NDST4: variants seen among roughly 807,000 people sequenced by gnomAD.
The protein encoded by NDST4 is N-heparan sulfate sulfotransferase 4.
NDST4 carries 63 observed loss-of-function variants against 100.8 expected under a neutral mutation model. The ratio of observed to expected loss-of-function variants is 0.62; its 90% confidence interval spans 0.51 to 0.77. The LOEUF is 0.77. Ranked by LOEUF, NDST4 falls within the 30% of genes least tolerant of loss-of-function variation. The pLI, the probability that NDST4 is intolerant of heterozygous loss-of-function variation, is 0.00. For missense variants in NDST4, 943 were observed against 1,018.4 expected (o/e 0.93, Z 1.01); for synonymous variants, 377 against 361.8 (o/e 1.04, Z -0.48).
chr4:114,879,603 G>C (rs1724324284), intron 6 of NDST4, among the ~76,000 whole-genome samples: 1 of 152,090 alleles, frequency 6.6e-6, no homozygotes, highest in African/African-American at 2.4e-5. Flanking sequence ...TGAATACAGG[G>C]ACTCTGGTGC....
At chr4:115,047,685 T>C (rs995636147) in intron 2 of NDST4, among the ~76,000 whole-genome samples, 1 of 152,102 alleles carries the variant, frequency 6.6e-6, no homozygotes, top group African/African-American at 2.4e-5. Flanking sequence ...GGGTGGTAAG[T>C]TGACATGAAG....
intron 2 of NDST4, among the ~76,000 whole-genome samples, chr4:115,044,478 C>A (rs1728422842): frequency 6.6e-6 from 1 of 151,860 alleles, no homozygotes; most frequent in African/African-American, 2.4e-5. Flanking sequence ...AAAGGCATGG[C>A]AAAGTGAAGA....
At chr4:114,974,946 A>C (rs1451023327) in intron 3 of NDST4, among the ~76,000 whole-genome samples, 1 of 152,192 alleles carries the variant, frequency 6.6e-6, no homozygotes, top group Non-Finnish European at 1.5e-5. Flanking sequence ...AAATCAGATC[A>C]TTCTGGGAGA....
At chr4:114,884,890 A>G (rs887766954) in intron 6 of NDST4, among the ~76,000 whole-genome samples, 5 of 152,162 alleles carry the variant, frequency 3.3e-5, no homozygotes, top group African/African-American at 7.2e-5. Context: ...TAAACCAGGC[A>G]GCTAAACTGA....
intron 4 of NDST4, among the ~76,000 whole-genome samples, chr4:114,962,885 C>T (rs1726295529): frequency 6.6e-6 from 1 of 151,988 alleles, no homozygotes; most frequent in Admixed American, 6.6e-5. Context: ...ACTTCACGCC[C>T]ACTAGAATGA....
chr4:114,843,065 A>G (rs555059875), intron 10 of NDST4, among the ~76,000 whole-genome samples: 1 of 152,300 alleles, frequency 6.6e-6, no homozygotes, highest in Non-Finnish European at 1.5e-5. Flanking sequence ...ATCATATATC[A>G]TATGATATAG....
intron 7 of NDST4, among the ~76,000 whole-genome samples, chr4:114,862,002 A>G (rs1271705903): frequency 6.6e-6 from 1 of 152,160 alleles, no homozygotes; most frequent in African/African-American, 2.4e-5. Context: ...GTATAGTTAT[A>G]GTTAATAGTA....
chr4:114,861,523 C>T (rs908896202), intron 7 of NDST4, among the ~76,000 whole-genome samples: 9 of 152,100 alleles, frequency 5.9e-5, no homozygotes, highest in Non-Finnish European at 1.3e-4. Flanking sequence ...TGCTTTACTA[C>T]AGGTGTTCAT....
chr4:115,066,893 T>C (rs1427265738), intron 2 of NDST4, among the ~76,000 whole-genome samples: 1 of 152,170 alleles, frequency 6.6e-6, no homozygotes, highest in African/African-American at 2.4e-5. Flanking sequence ...ACATTCTCTG[T>C]TGTGTGCCCT....
chr4:115,019,959 T>C (rs1465060752), intron 2 of NDST4, among the ~76,000 whole-genome samples: 1 of 152,108 alleles, frequency 6.6e-6, no homozygotes, highest in Non-Finnish European at 1.5e-5. Flanking sequence ...TCTGTGTTAT[T>C]GTGTTGTAGC....
intron 2 of NDST4, among the ~76,000 whole-genome samples, chr4:115,060,994 A>G (rs1728807049): frequency 6.6e-6 from 1 of 152,106 alleles, no homozygotes; most frequent in Non-Finnish European, 1.5e-5. Flanking sequence ...AAACCTCAAC[A>G]AAAAGTGGGT....
intron 2 of NDST4, among the ~76,000 whole-genome samples, chr4:114,996,421 A>G (rs1035079007): frequency 2.6e-5 from 4 of 152,074 alleles, no homozygotes; most frequent in African/African-American, 9.7e-5. Flanking sequence ...CTTTATAGCA[A>G]CGTAAGAAAG....
rs141245353 is a variant in NDST4, at chr4:115,014,690, G to A, written c.979-37416C>T. Among the ~76,000 whole-genome samples the A allele has an allele frequency of 1.2e-4, 18 of 152,182 alleles. No individual in the cohort carries two copies. The East Asian group carries it at 2.1e-3, about 18-fold the overall frequency. On this transcript the variant is annotated intron_variant, in intron 2 of 13. Coordinates refer to ENST00000264363, the MANE Select transcript of NDST4 (RefSeq NM_022569.3). Reference sequence around the variant, plus strand: ...GCTTGGAGTATCGATGGCAGAGGATGCTGCTTGGAGTTTTTGGCAGGCCCC... The same window carrying A: ...GCTTGGAGTATCGATGGCAGAGGATACTGCTTGGAGTTTTTGGCAGGCCCC...
At chr4:114,959,004 T>G (rs1405504572) in intron 4 of NDST4, among the ~76,000 whole-genome samples, 2 of 152,080 alleles carry the variant, frequency 1.3e-5, no homozygotes, top group African/African-American at 4.8e-5. Flanking sequence ...TCTCTCAAGT[T>G]CAATGTTCCA....
Position 115,107,217 on chromosome 4 carries a change from A to G in NDST4, c.-247+6227T>C, listed in dbSNP as rs1322677701. Among the ~76,000 whole-genome samples the G allele has an allele frequency of 2.0e-5, 3 of 152,126 alleles. No individual in the cohort carries two copies. The East Asian group carries it at 5.8e-4, about 29-fold the overall frequency. On this transcript the variant is annotated intron_variant, in intron 1 of 13. Coordinates refer to ENST00000264363, the MANE Select transcript of NDST4 (RefSeq NM_022569.3). Reference sequence around the variant, plus strand: ...TTGAATTTCAGTCTGTGAGAAAAAAATTTAAAAACCAGTAATTTGAGATAA... The same window carrying G: ...TTGAATTTCAGTCTGTGAGAAAAAAGTTTAAAAACCAGTAATTTGAGATAA...
chr4:114,912,829 C>G (rs1560809095), intron 6 of NDST4, among the ~76,000 whole-genome samples: 1 of 152,012 alleles, frequency 6.6e-6, no homozygotes, highest in Non-Finnish European at 1.5e-5. Flanking sequence ...ATAAAAATCA[C>G]TTGTTTTTAC....
Position 114,870,918 on chromosome 4 carries a change from A to G in NDST4, c.1569T>C (p.Tyr523=), listed in dbSNP as rs771998162. The part of the protein sequence containing the change: ...ISIFMTHLSN[Y]GNDRLGLYTF... ...TATATAACCCTAGGCGGTCATTTCCATAGTTTGATAAATGGGTCATGAAAA... is the reference window on the plus strand; with the variant it reads ...TATATAACCCTAGGCGGTCATTTCCGTAGTTTGATAAATGGGTCATGAAAA... The change falls in exon 7 of 14, where the codon TAT becomes TAC. Residue 523 remains tyrosine, a synonymous_variant. Coordinates refer to ENST00000264363, the MANE Select transcript of NDST4 (RefSeq NM_022569.3). 2 of 1,608,812 alleles carry G rather than the reference A, an allele frequency of 1.2e-6. No homozygotes were observed. Among genetic ancestry groups the G allele is most frequent in the East Asian group, 2.2e-5 (1 of 44,672 alleles).
chr4:114,900,100 T>C (rs567267330), intron 6 of NDST4, among the ~76,000 whole-genome samples: 15 of 152,296 alleles, frequency 9.8e-5, no homozygotes, highest in Non-Finnish European at 1.5e-4. Context: ...TTTACTTATG[T>C]TATCAAATAT....
At chr4:114,942,125 C>T (rs950480423) in intron 4 of NDST4, among the ~76,000 whole-genome samples, 4 of 152,114 alleles carry the variant, frequency 2.6e-5, no homozygotes, top group African/African-American at 9.7e-5. Context: ...CCAGTGAATA[C>T]TGTATAGAAA....
Sources: gnomAD v4.1 joint callset for allele counts (sites outside exome capture counted in the v4.1 genomes callset) on GRCh38, gnomAD v4.1.1 for gene constraint, MANE v1.5 for transcripts, NCBI Gene and HGNC (gene_info 2026-07-23, HGNC 2026-07-21) for gene names.